The following DDX54 variants were observed in gnomAD, a reference collection of about 807,000 sequenced individuals.
DDX54 encodes DEAD-box helicase 54, also known as ATP-dependent RNA helicase DDX54.
Under a neutral mutation model 105.5 loss-of-function variants are expected in DDX54, and 67 were observed. The observed-to-expected ratio is 0.64, with a 90% CI of 0.52 to 0.78. The LOEUF (loss-of-function observed/expected upper bound fraction) is 0.78. DDX54 is among the 30% of genes least tolerant of loss of function. DDX54 has a pLI of 0.00. For synonymous variants in DDX54, 514 were observed against 509.9 expected (o/e 1.01, Z -0.11); for missense variants, 1,206 against 1,230.5 (o/e 0.98, Z 0.30).
At chr12:113,179,883 G>A in intron 3 of DDX54, 52 bp downstream of exon 3, 2 of 1,598,822 alleles carry the variant, frequency 1.3e-6, no homozygotes, top group Non-Finnish European at 1.7e-6. Context: ...CCAGAGAGGA[G>A]GGCCATGTCA....
intron 1 of DDX54, among the ~76,000 whole-genome samples, chr12:113,184,369 C>T (rs1056154576): frequency 6.6e-6 from 1 of 152,144 alleles, no homozygotes; most frequent in Non-Finnish European, 1.5e-5. Flanking sequence ...GGCGTGTAGC[C>T]ACTACACCAG....
intron 11 of DDX54, among the ~76,000 whole-genome samples, chr12:113,171,067 G>A (rs1952332020): frequency 6.6e-6 from 1 of 152,194 alleles, no homozygotes; most frequent in Non-Finnish European, 1.5e-5. Context: ...TTGGTCTTGT[G>A]AGGCACAAGA....
intron 18 of DDX54, chr12:113,161,615 C>T: frequency 1.8e-6 from 1 of 559,048 alleles, no homozygotes; most frequent in Non-Finnish European, 3.2e-6. Flanking sequence ...CTGCTGGGCC[C>T]GCCCCCAGCA....
intron 11 of DDX54, 67 bp from the exon 12 acceptor site, chr12:113,169,971 G>A: frequency 6.3e-7 from 1 of 1,586,426 alleles, no homozygotes; most frequent in Non-Finnish European, 8.6e-7. Context: ...GAGTTCCACA[G>A]GCCAGACCCT....
chr12:113,164,338 A>C (rs1952248620), intron 14 of DDX54, 53 bp from the exon 15 acceptor site: 9 of 1,495,398 alleles, frequency 6.0e-6, no homozygotes, highest in Admixed American at 2.2e-5. Context: ...TCCTAACCCC[A>C]CCCTTACCAC....
chr12:113,165,701 C>T lies in DDX54; in HGVS notation c.1662G>A (p.Glu554=), dbSNP rs1952263877. The change falls in exon 14 of 20, where the codon GAG becomes GAA. Residue 554 remains glutamate (E), a synonymous_variant. Transcript: ENST00000306014. The part of the protein sequence containing the change: ...LHPLFSSRFE[E]EELQRLRLVD... ...CCAGCCTCAGCCGCTGCAGCTCCTC[C>T]TCCTCAAAACGCGAGCCTGGTAGGA... is the stretch of plus-strand genomic sequence containing the variant. 2 of 1,613,640 alleles carry T rather than the reference C, an allele frequency of 1.2e-6. No individual in the cohort carries two copies. The highest frequency in any genetic ancestry group is 1.7e-6 in the Non-Finnish European group (2 of 1,179,800).
rs1411798609 is a variant in DDX54 at position 113,158,935 on chromosome 12, T to C, written c.2588A>G (p.Gln863Arg). 3 of 1,610,188 alleles carry C rather than the reference T, an allele frequency of 1.9e-6. No individual in the cohort carries two copies. Among genetic ancestry groups the C allele is most frequent in the Non-Finnish European group, 2.5e-6 (3 of 1,177,380 alleles). ...GCGGGCACCCCGGCCGAAGGCGCCCTGCTGCAGCTCCTGGACGCGGCGGCG... is the reference window on the plus strand; with the variant it reads ...GCGGGCACCCCGGCCGAAGGCGCCCCGCTGCAGCTCCTGGACGCGGCGGCG... ...RNRRRVQELQ[Q>R]GAFGRGARSK... The change falls in exon 20 of 20, where the codon CAG becomes CGG. Residue 863 changes from glutamine to arginine, a missense_variant. Around this residue, in one of 3 missense-constraint regions of DDX54, gnomAD observed 961 missense variants for 1,019.1 expected, o/e 0.94. Coordinates refer to ENST00000306014, the MANE Select transcript of DDX54 (RefSeq NM_024072.4). The surrounding 1 kb of genome is among the most constrained non-coding windows in gnomAD (Gnocchi z 4.9).
intron 19 of DDX54, among the ~76,000 whole-genome samples, chr12:113,159,570 G>A (rs1187765658): frequency 6.6e-6 from 1 of 152,194 alleles, no homozygotes; most frequent in African/African-American, 2.4e-5. Context: ...GCCAGGCTCT[G>A]AGGCCCCCCA....
Position 113,161,266 on chromosome 12 carries a change from T to C in DDX54, c.2413+4A>G, listed in dbSNP as rs370314245. Reference sequence around the variant, plus strand: ...GCACCCACACTCCCCACCCTGGCTCTCACCTTGGCCACGGTCTCGCTTCCC... The same window carrying C: ...GCACCCACACTCCCCACCCTGGCTCCCACCTTGGCCACGGTCTCGCTTCCC... On this transcript the variant is annotated splice_donor_region_variant and intron_variant, in intron 19 of 19. Coordinates refer to ENST00000306014, the MANE Select transcript of DDX54 (RefSeq NM_024072.4). 2.0e-4 allele frequency: 322 copies of C among 1,609,770 alleles called. 2 individuals carry two copies. The African/African-American group carries it at 3.9e-3, about 20-fold the overall frequency.
chr12:113,157,941 A>G lies in DDX54; in HGVS notation c.*936T>C. The G allele has an allele frequency of 1.9e-6, 1 of 538,240 alleles. No individual in the cohort carries two copies. Among genetic ancestry groups the G allele is most frequent in the South Asian group, 2.4e-5 (1 of 40,976 alleles). The allele number at this position is 538,240 out of a possible 1,614,324, so 33.3% of individuals were successfully genotyped here. On this transcript the variant is annotated 3_prime_UTR_variant, in exon 20 of 20. Transcript: ENST00000306014. ...GTGGGGCAACTGCCTCTAAAATGAG[A>G]TCAGACCAGGCCCTCCCTGCCAGGG...
intron 12 of DDX54, among the ~76,000 whole-genome samples, chr12:113,167,673 C>T (rs1952292384): frequency 6.6e-6 from 1 of 152,206 alleles, no homozygotes; most frequent in African/African-American, 2.4e-5. Context: ...AGGTGCTGGG[C>T]CCTGCTGACC....
intron 10 of DDX54, among the ~76,000 whole-genome samples, chr12:113,174,170 T>A (rs1331221958): frequency 1.4e-5 from 2 of 142,526 alleles, no homozygotes; most frequent in Non-Finnish European, 3.0e-5. Context: ...CAGAGTGAGA[T>A]ACCATTTCCA....
chr12:113,177,478 CTTTGGGCACAAATCCCTAAT>C (rs1952417730), intron 5 of DDX54: 1 of 195,002 alleles, frequency 5.1e-6, no homozygotes, highest in Non-Finnish European at 1.1e-5. Flanking sequence ...TCCTTAAACC[CTTTGGGCACAAATCCCTAAT>C]TTTAGCCCTC....
chr12:113,160,238 C>G (rs1952186796), intron 19 of DDX54, among the ~76,000 whole-genome samples: 1 of 152,048 alleles, frequency 6.6e-6, no homozygotes, highest in Non-Finnish European at 1.5e-5. Context: ...CGCAGGCTCA[C>G]AGAGACACCC....
At chr12:113,178,951 C>G in intron 5 of DDX54, 26 bp downstream of exon 5, 1 of 1,613,402 alleles carries the variant, frequency 6.2e-7, no homozygotes, top group Non-Finnish European at 8.5e-7. Flanking sequence ...TGGTGGTGAC[C>G]CTGGCATGGG....
intron 7 of DDX54, among the ~76,000 whole-genome samples, chr12:113,175,464 C>T (rs540278991): frequency 6.6e-6 from 1 of 152,108 alleles, no homozygotes; most frequent in African/African-American, 2.4e-5. Flanking sequence ...CAAGAACACC[C>T]TAGGCGAGAT....
At chr12:113,185,166 C>T (rs1698423479) in intron 1 of DDX54, 112 bp downstream of exon 1, 1 of 1,320,142 alleles carries the variant, frequency 7.6e-7, no homozygotes, top group Non-Finnish European at 9.8e-7. Context: ...TCGGCAGCCT[C>T]CCTCCCCACA....
rs188957373 is a variant in DDX54, at chr12:113,157,347, G to A, written c.*1530C>T. 8.9e-6 allele frequency: 5 copies of A among 564,490 alleles called. No individual in the cohort carries two copies. Among genetic ancestry groups the A allele is most frequent in the Admixed American group, 3.1e-5 (1 of 32,718 alleles). The allele number at this position is 564,490 out of a possible 1,614,324, so 35.0% of individuals were successfully genotyped here. On this transcript the variant is annotated 3_prime_UTR_variant, in exon 20 of 20. Coordinates refer to ENST00000306014, the MANE Select transcript of DDX54 (RefSeq NM_024072.4). ...TGTAAATGAAAATACTAATTGGATA[G>A]TGCAGGTGACAGCAGCGAGGAAGCT...
intron 18 of DDX54, 50 bp downstream of exon 18, chr12:113,161,843 T>C (rs759749534): frequency 2.9e-6 from 3 of 1,046,390 alleles, no homozygotes; most frequent in African/African-American, 3.9e-5. Flanking sequence ...AAGCTGCTCC[T>C]GCTGAAGCTC....
Sources: gnomAD v4.1 joint callset for allele counts (sites outside exome capture counted in the v4.1 genomes callset) on GRCh38, gnomAD v4.1.1 for gene constraint, gnomAD v4.1.1 regional missense constraint, Gnocchi (gnomAD v3.1) non-coding constraint, MANE v1.5 for transcripts, NCBI Gene and HGNC (gene_info 2026-07-23, HGNC 2026-07-21) for gene names.